The following DTX3L variants were observed in gnomAD, a reference collection of about 807,000 sequenced individuals.
DTX3L encodes deltex E3 ubiquitin ligase 3L.
DTX3L carries 34 observed loss-of-function variants against 60.9 expected under a neutral mutation model. The ratio of observed to expected loss-of-function variants is 0.56; its 90% CI spans 0.42 to 0.74. The LOEUF (loss-of-function observed/expected upper bound fraction) is 0.74. Among genes scored for constraint, DTX3L ranks in the 30% least tolerant of loss-of-function variants. DTX3L has a pLI of 0.00. For missense variants in DTX3L, 810 were observed against 874.0 expected (o/e 0.93, Z 0.92); for synonymous variants, 290 against 316.6 (o/e 0.92, Z 0.89).
intron 2 of DTX3L, 105 bp downstream of exon 2, chr3:122,566,175 C>A: frequency 1.0e-6 from 1 of 972,408 alleles, no homozygotes; most frequent in Non-Finnish European, 1.5e-6. Context: ...TACATGGGAG[C>A]CAGGCACTGT....
chr3:122,566,160 G>A, intron 2 of DTX3L, 90 bp downstream of exon 2: 1 of 1,090,420 alleles, frequency 9.2e-7, no homozygotes, highest in Non-Finnish European at 1.3e-6. Flanking sequence ...CATGTGCTGG[G>A]CACGTACATG....
chr3:122,568,464 G>A (rs746542726), intron 2 of DTX3L, 25 bp from the exon 3 acceptor site: 5 of 1,560,246 alleles, frequency 3.2e-6, no homozygotes, highest in Non-Finnish European at 4.3e-6. Context: ...GGTTTTATTT[G>A]TTCCTGTTCC....
rs542500768 is a variant in DTX3L at position 122,574,573 on chromosome 3, G to A, written c.*2826G>A. ...CCCTTTACAACAGCTTTACATCTGT[G>A]TGATTGATACAGTTCATATTCCCAT... is the stretch of plus-strand genomic sequence containing the variant. On this transcript the variant is annotated 3_prime_UTR_variant, in exon 5 of 5. Transcript: ENST00000296161. The A allele has an allele frequency of 6.6e-6, 1 of 152,316 alleles. No homozygotes were observed. The highest frequency in any genetic ancestry group is 2.4e-5 in the African/African-American group (1 of 41,572). 9.4% of individuals were successfully genotyped at this position (152,316 alleles called of 1,614,324 possible). A position where few individuals can be genotyped will look rare whatever the true frequency, so the allele number is the denominator to read the frequency against.
At chr3:122,565,512 TAAAAAAAA>T (rs770609802) in intron 1 of DTX3L, among the ~76,000 whole-genome samples, 2 of 53,102 alleles carry the variant, frequency 3.8e-5, no homozygotes, top group African/African-American at 7.8e-5. Context: ...AGACTCCGTC[TAAAAAAAA>T]AAAAAAAAAA....
intron 3 of DTX3L, 50 bp downstream of exon 3, chr3:122,570,074 C>T (rs2080634106): frequency 1.9e-6 from 3 of 1,578,700 alleles, no homozygotes; most frequent in Non-Finnish European, 2.6e-6. Flanking sequence ...CTACGATTAC[C>T]AGGGCAAAAG....
chr3:122,570,392 A>G, intron 3 of DTX3L, 63 bp from the exon 4 acceptor site: 2 of 1,506,956 alleles, frequency 1.3e-6, no homozygotes, highest in East Asian at 2.3e-5. Flanking sequence ...GAACACATCT[A>G]TACCTATAGT....
chr3:122,567,678 T>C (rs1359873795), intron 2 of DTX3L, among the ~76,000 whole-genome samples: 2 of 151,836 alleles, frequency 1.3e-5, no homozygotes, highest in East Asian at 3.9e-4. Flanking sequence ...AGAGAAAAAA[T>C]AGTAATAGGA....
chr3:122,570,940 T>A (rs1243096446), intron 4 of DTX3L, among the ~76,000 whole-genome samples: 1 of 152,170 alleles, frequency 6.6e-6, no homozygotes, highest in Non-Finnish European at 1.5e-5. Context: ...ATAAGCTGAT[T>A]TAATTTGAGG....
In DTX3L at chr3:122,566,104, C is replaced by T. The variant is rs201300910; in HGVS notation, c.399+34C>T. ...TGAAAGAAGGAGCTGGCTGTGCCTG[C>T]GCCTCCTCTCCAGTCACCAGCCTCA... is the stretch of plus-strand genomic sequence containing the variant. On this transcript the variant is annotated intron_variant, in intron 2 of 4. Coordinates refer to ENST00000296161, the MANE Select transcript of DTX3L (RefSeq NM_138287.3). 1.8e-4 allele frequency: 283 copies of T among 1,581,356 alleles called. 2 individuals are homozygous for T. The Middle Eastern group carries it at 6.8e-3, about 38-fold the overall frequency.
In DTX3L at chr3:122,569,379, T is replaced by C. The variant is rs770091821; in HGVS notation, c.1290T>C (p.Ser430=). Residue 430 remains serine, a synonymous_variant, in exon 3 of 5, where the codon TCT becomes TCC. Coordinates refer to ENST00000296161, the MANE Select transcript of DTX3L (RefSeq NM_138287.3). ...CCAAGGACAGGCAGGTAGATCTATCTGTGCATGCTTATGCAAGTTTCATCG... is the reference window on the plus strand; with the variant it reads ...CCAAGGACAGGCAGGTAGATCTATCCGTGCATGCTTATGCAAGTTTCATCG... ...FESKDRQVDL[S]VHAYASFIDA... 28 of 1,614,066 alleles carry C rather than the reference T, an allele frequency of 1.7e-5. No homozygotes were observed. The highest frequency in any genetic ancestry group is 2.4e-5 in the Non-Finnish European group (28 of 1,180,038).
chr3:122,570,769 G>A, intron 4 of DTX3L, 97 bp downstream of exon 4: 1 of 1,273,518 alleles, frequency 7.9e-7, no homozygotes, highest in Non-Finnish European at 1.1e-6. Context: ...CTCTATAGCA[G>A]TGGAATTGGT....
rs780860986 is a variant in DTX3L, at chr3:122,570,642, A to G, written c.2123A>G (p.His708Arg). ...GTCATCACTTGGAATGATATTCACC[A>G]CAAAACATCCCGGTTTGGAGGACCA... is the stretch of plus-strand genomic sequence containing the variant. ...SDVITWNDIH[H>R]KTSRFGGPEM... Residue 708 changes from histidine (H) to arginine (R), a missense_variant, in exon 4 of 5, where the codon CAC (histidine) becomes CGC (arginine). Physicochemically the swap from His to Arg is conservative, Grantham distance 29. Coordinates refer to ENST00000296161, the MANE Select transcript of DTX3L (RefSeq NM_138287.3). The G allele has an allele frequency of 6.2e-7, 1 of 1,614,192 alleles. No homozygotes were observed.
chr3:122,569,767 A>C lies in DTX3L; in HGVS notation c.1678A>C (p.Ile560Leu). ...AGAACTGGACAAGAAGGAAAAGGGC[A>C]TCTGTGTCATCTGTATGGACACCAT... ...ASELDKKEKG[I>L]CVICMDTISN... The change falls in exon 3 of 5, where the codon ATC becomes CTC. Residue 560 changes from isoleucine to leucine, a missense_variant. Ile to Leu is a conservative substitution (Grantham distance 5). Transcript: ENST00000296161. 1 of 1,614,180 alleles carries C rather than the reference A, an allele frequency of 6.2e-7. No individual in the cohort carries two copies.
chr3:122,566,519 CA>C (rs1197933463), intron 2 of DTX3L, among the ~76,000 whole-genome samples: 1 of 147,508 alleles, frequency 6.8e-6, no homozygotes, highest in Non-Finnish European at 1.5e-5. Flanking sequence ...GGCGCCACTA[CA>C]CCCAGCCAAT....
intron 2 of DTX3L, among the ~76,000 whole-genome samples, chr3:122,566,932 AAGTGACAGAC>A (rs2080597297): frequency 6.6e-6 from 1 of 152,194 alleles, no homozygotes; most frequent in Non-Finnish European, 1.5e-5. Flanking sequence ...GAAGAAGAAT[AAGTGACAGAC>A]AGTGACAGAA....
chr3:122,570,434 CA>C lies in DTX3L; in HGVS notation c.1936-20del, dbSNP rs1285987293. On this transcript the variant is annotated intron_variant, in intron 3 of 4. Coordinates refer to ENST00000296161, the MANE Select transcript of DTX3L (RefSeq NM_138287.3). ...TAGACAGGGCACTCTTTTCACATGA[CA>C]TTTTCTTGTTCTCACACAGGAAGAA... is the stretch of plus-strand genomic sequence containing the variant. The C allele has an allele frequency of 1.9e-6, 3 of 1,611,772 alleles. No individual in the cohort carries two copies. The highest frequency in any genetic ancestry group is 2.5e-6 in the Non-Finnish European group (3 of 1,178,034).
At position 122,568,771 on chromosome 3, in the gene DTX3L, A is replaced by G; in HGVS notation, c.682A>G (p.Lys228Glu). 2 of 1,614,158 alleles carry G rather than the reference A, an allele frequency of 1.2e-6. No homozygotes were observed. Among genetic ancestry groups the G allele is most frequent in the Non-Finnish European group, 1.7e-6 (2 of 1,180,044 alleles). ...CATTTCTCCTTCTGAACCAGAAACC[A>G]AGGCAGAACAAAAAAGCAACTATTT... The part of the protein sequence containing the change: ...SCISPSEPET[K>E]AEQKSNYFEV... Residue 228 changes from lysine to glutamate, a missense_variant, in exon 3 of 5, where the codon AAG becomes GAG. Physicochemically the swap from Lys to Glu is moderately conservative, Grantham distance 56. Transcript: ENST00000296161.
chr3:122,570,073 C>G (rs140368209), intron 3 of DTX3L, 49 bp downstream of exon 3: 2 of 1,577,630 alleles, frequency 1.3e-6, no homozygotes, highest in Non-Finnish European at 1.7e-6. Context: ...GCTACGATTA[C>G]CAGGGCAAAA....
Position 122,568,706 on chromosome 3 carries a change from C to T in DTX3L, c.617C>T (p.Thr206Ile). Reference protein sequence around the residue: ...EQKQQFSPSMTERKPLSQQER... With the variant: ...EQKQQFSPSMIERKPLSQQER... Reference sequence around the variant, plus strand: ...AAACAACAATTTTCCCCTTCAATGACAGAGAGGAAGCCACTCAGTCAGCAG... The same window carrying T: ...AAACAACAATTTTCCCCTTCAATGATAGAGAGGAAGCCACTCAGTCAGCAG... The change falls in exon 3 of 5, where the codon ACA becomes ATA. Residue 206 changes from threonine (T) to isoleucine (I), a missense_variant. Physicochemically the swap from Thr to Ile is moderately conservative, Grantham distance 89 (BLOSUM62 -1). Transcript: ENST00000296161. 6.2e-7 allele frequency: 1 copy of T among 1,614,180 alleles called. No individual in the cohort carries two copies. The highest frequency in any genetic ancestry group is 1.1e-5 in the South Asian group (1 of 91,086).
Sources: allele counts gnomAD v4.1 joint callset (sites outside exome capture counted in the v4.1 genomes callset), GRCh38; gene constraint gnomAD v4.1.1; transcripts MANE v1.5; gene names NCBI Gene and HGNC (gene_info 2026-07-23, HGNC 2026-07-21).